Variants in PPP3R1 observed in about 807,000 individuals in gnomAD.
PPP3R1 encodes the protein protein phosphatase 3 regulatory subunit B, alpha.
PPP3R1 carries 5 observed loss-of-function variants against 22.6 expected under a neutral mutation model. The observed-to-expected ratio is 0.22, with a 90% CI of 0.12 to 0.46. The LOEUF (loss-of-function observed/expected upper bound fraction) is 0.46, where lower values mean the gene tolerates loss of function less well. PPP3R1 is among the 20% of genes least tolerant of loss of function. The probability of loss-of-function intolerance (pLI) is 0.99; values close to 1 mark genes in which losing one functional copy is unlikely to be tolerated. For synonymous variants in PPP3R1, 56 were observed against 65.2 expected (o/e 0.86, Z 0.68); for missense variants, 61 against 203.2 (o/e 0.30, Z 4.25).
intron 1 of PPP3R1, among the ~76,000 whole-genome samples, chr2:68,219,890 C>T (rs1669654082): frequency 6.6e-6 from 1 of 152,172 alleles, no homozygotes; most frequent in Non-Finnish European, 1.5e-5. Context: ...GACAAGATCA[C>T]TTGTTGATGA....
rs1674344200 is a variant in PPP3R1, at chr2:68,178,969, TCCCTTAC to T, written c.*1987_*1993del. 1 of 87,420 alleles carries T rather than the reference TCCCTTAC, an allele frequency of 1.1e-5. No homozygotes were observed. The highest frequency in any genetic ancestry group is 2.3e-5 in the Non-Finnish European group (1 of 43,342). The allele number at this position is 87,420 out of a possible 1,614,324, so 5.4% of individuals were successfully genotyped here. A position where few individuals can be genotyped will look rare whatever the true frequency, so the allele number is the denominator to read the frequency against. ...TAAACATTCAACATAAACCATCCCC[TCCCTTAC>T]CCACCCCCACACACAAACTAAAAAA... On this transcript the variant is annotated 3_prime_UTR_variant, in exon 6 of 6. Coordinates refer to ENST00000234310, the MANE Select transcript of PPP3R1 (RefSeq NM_000945.4).
Position 68,188,587 on chromosome 2 carries a change from T to C in PPP3R1, c.147A>G (p.Leu49=), listed in dbSNP as rs1674595420. ...CTCGCTGTACTAAAGGATTCTGTTGTAACTCAGGCAGAGACATGAACTCTT... is the reference window on the plus strand; with the variant it reads ...CTCGCTGTACTAAAGGATTCTGTTGCAACTCAGGCAGAGACATGAACTCTT... ...SVEEFMSLPE[L]QQNPLVQRVI... The change falls in exon 3 of 6, where the codon TTA becomes TTG. Residue 49 remains leucine (L), a synonymous_variant. Coordinates refer to ENST00000234310, the MANE Select transcript of PPP3R1 (RefSeq NM_000945.4). 6.2e-7 allele frequency: 1 copy of C among 1,613,580 alleles called. No individual in the cohort carries two copies. Among genetic ancestry groups the C allele is most frequent in the East Asian group, 2.2e-5 (1 of 44,786 alleles).
intron 2 of PPP3R1, among the ~76,000 whole-genome samples, chr2:68,203,184 A>C (rs2103748811): frequency 6.6e-6 from 1 of 152,354 alleles, no homozygotes; most frequent in South Asian, 2.1e-4. Flanking sequence ...GTAAATGATA[A>C]ATGACAGCTG....
At chr2:68,193,198 T>C (rs1231720042) in intron 2 of PPP3R1, among the ~76,000 whole-genome samples, 2 of 152,174 alleles carry the variant, frequency 1.3e-5, no homozygotes, top group African/African-American at 4.8e-5. Flanking sequence ...ACCTTGACAA[T>C]AAATGACTTC....
chr2:68,210,962 T>C (rs1448808070), intron 2 of PPP3R1, among the ~76,000 whole-genome samples: 1 of 152,194 alleles, frequency 6.6e-6, no homozygotes, highest in Non-Finnish European at 1.5e-5. Flanking sequence ...TAAGTTTGCT[T>C]CCAGACCACC....
chr2:68,251,547 T>G (rs866284541), intron 1 of PPP3R1, among the ~76,000 whole-genome samples: 1 of 152,116 alleles, frequency 6.6e-6, no homozygotes, highest in Non-Finnish European at 1.5e-5. Context: ...GCACCGCAGC[T>G]AAACCGACGC....
At chr2:68,232,274 TATACAC>T (rs1669932710) in intron 1 of PPP3R1, among the ~76,000 whole-genome samples, 1 of 133,036 alleles carries the variant, frequency 7.5e-6, no homozygotes, top group Admixed American at 7.5e-5. Context: ...TGTATATATA[TATACAC>T]ACACACAAAA....
At chr2:68,227,526 T>G (rs554870157) in intron 1 of PPP3R1, among the ~76,000 whole-genome samples, 2 of 150,192 alleles carry the variant, frequency 1.3e-5, no homozygotes, top group Non-Finnish European at 3.0e-5. Context: ...AAACAAGAGA[T>G]AAAAACCAAT....
rs1191235701 is a variant in PPP3R1, at chr2:68,180,210, G to A, written c.*753C>T. ...AGAATGAAGCAGCTATAAGCCCTGT[G>A]CAGTTACTATATGAACACAAGAACT... On this transcript the variant is annotated 3_prime_UTR_variant, in exon 6 of 6. Transcript: ENST00000234310. 1 of 152,214 alleles carries A rather than the reference G, an allele frequency of 6.6e-6. No individual in the cohort carries two copies. Among genetic ancestry groups the A allele is most frequent in the Non-Finnish European group, 1.5e-5 (1 of 68,026 alleles). The allele number at this position is 152,214 out of a possible 1,614,324, so 9.4% of individuals were successfully genotyped here. A position where few individuals can be genotyped will look rare whatever the true frequency, so the allele number is the denominator to read the frequency against.
chr2:68,215,384 C>G (rs1205421609), intron 2 of PPP3R1, among the ~76,000 whole-genome samples: 1 of 152,134 alleles, frequency 6.6e-6, no homozygotes, highest in Non-Finnish European at 1.5e-5. Flanking sequence ...ATAAGGGATA[C>G]TCAACCTGTA....
intron 2 of PPP3R1, among the ~76,000 whole-genome samples, chr2:68,202,664 A>T (rs920321665): frequency 1.3e-5 from 2 of 151,850 alleles, no homozygotes; most frequent in African/African-American, 4.8e-5. Context: ...ACCTCAGGTG[A>T]TCCACTTGCC....
chr2:68,194,598 A>T (rs1161368072), intron 2 of PPP3R1, among the ~76,000 whole-genome samples: 1 of 152,144 alleles, frequency 6.6e-6, no homozygotes, highest in Non-Finnish European at 1.5e-5. Context: ...ATTTCAAAAT[A>T]GTAAAGAAAA....
intron 2 of PPP3R1, among the ~76,000 whole-genome samples, chr2:68,208,277 T>C (rs547231059): frequency 6.6e-6 from 1 of 152,352 alleles, no homozygotes; most frequent in African/African-American, 2.4e-5. Flanking sequence ...TGTGCAGTAA[T>C]GACTCAAATA....
chr2:68,198,455 ATATATACG>A (rs1267823579), intron 2 of PPP3R1, among the ~76,000 whole-genome samples: 1 of 149,476 alleles, frequency 6.7e-6, no homozygotes, highest in Admixed American at 6.7e-5. Flanking sequence ...ATGTATATAC[ATATATACG>A]TATATATGCG....
chr2:68,188,044 C>A (rs1674584070), intron 3 of PPP3R1, among the ~76,000 whole-genome samples: 1 of 152,094 alleles, frequency 6.6e-6, no homozygotes, highest in South Asian at 2.1e-4. Context: ...GTGGCACATG[C>A]CTGTAATCCC....
At chr2:68,243,384 G>A (rs1481437825) in intron 1 of PPP3R1, among the ~76,000 whole-genome samples, 1 of 152,126 alleles carries the variant, frequency 6.6e-6, no homozygotes, top group Non-Finnish European at 1.5e-5. Flanking sequence ...CTTTATTATG[G>A]AGTCTATGGA....
chr2:68,249,776 C>G (rs999813999), intron 1 of PPP3R1, among the ~76,000 whole-genome samples: 2 of 151,732 alleles, frequency 1.3e-5, no homozygotes, highest in African/African-American at 4.8e-5. Flanking sequence ...AAATTAATAC[C>G]TGTCAGAAAA....
chr2:68,197,829 T>C (rs924687301), intron 2 of PPP3R1, among the ~76,000 whole-genome samples: 34 of 151,912 alleles, frequency 2.2e-4, no homozygotes, highest in African/African-American at 8.0e-4. Context: ...TGAAATAGAA[T>C]TTTTTCCCTT....
chr2:68,239,635 A>C (rs1032448089), intron 1 of PPP3R1, among the ~76,000 whole-genome samples: 7 of 152,180 alleles, frequency 4.6e-5, no homozygotes, highest in African/African-American at 7.2e-5. Context: ...AATACGAATG[A>C]ATCATCAGTA....
Sources: gnomAD v4.1 joint callset for allele counts (sites outside exome capture counted in the v4.1 genomes callset) on GRCh38, gnomAD v4.1.1 for gene constraint, MANE v1.5 for transcripts, NCBI Gene and HGNC (gene_info 2026-07-23, HGNC 2026-07-21) for gene names.